AR: variants seen among roughly 807,000 people sequenced by gnomAD.
The protein encoded by AR is dihydrotestosterone receptor.
Under a neutral mutation model 53.9 loss-of-function variants are expected in AR, and 8 were observed. The observed-to-expected ratio is 0.15, with a 90% confidence interval of 0.09 to 0.27. The LOEUF is 0.27. Among genes scored for constraint, AR ranks in the 10% least tolerant of loss-of-function variants. AR has a pLI of 1.00. For missense variants in AR, 639 were observed against 742.5 expected (o/e 0.86, Z 1.62); for synonymous variants, 359 against 316.4 (o/e 1.13, Z -1.43).
intron 2 of AR, among the ~76,000 whole-genome samples, chrX:67,678,878 C>A (rs914717117): frequency 1.8e-5 from 2 of 111,455 alleles, no homozygotes; most frequent in African/African-American, 6.5e-5. Context: ...GACTGGGAGG[C>A]AGTTGACTGA....
At chrX:67,569,858 T>C (rs1359337399) in intron 1 of AR, among the ~76,000 whole-genome samples, 1 of 111,582 alleles carries the variant, frequency 9.0e-6, no homozygotes, top group Non-Finnish European at 1.9e-5. Flanking sequence ...TGCTTCTAGG[T>C]ATGTCTTTTT....
intron 2 of AR, among the ~76,000 whole-genome samples, chrX:67,644,711 C>T (rs1031208077): frequency 4.5e-5 from 5 of 111,550 alleles, no homozygotes; most frequent in African/African-American, 1.6e-4. Context: ...ACAGAAGCTG[C>T]CATGTTGTTT....
At chrX:67,719,739 T>C (rs2076128000) in intron 5 of AR, among the ~76,000 whole-genome samples, 1 of 112,239 alleles carries the variant, frequency 8.9e-6, no homozygotes, top group Non-Finnish European at 1.9e-5. Context: ...ATTCCAGTCA[T>C]TCTGACAGCC....
intron 1 of AR, among the ~76,000 whole-genome samples, chrX:67,619,271 G>C (rs1924258700): frequency 9.0e-6 from 1 of 111,294 alleles, no homozygotes; most frequent in Admixed American, 9.6e-5. Context: ...ACAGGAAGCA[G>C]AAAGACTTGA....
chrX:67,708,535 G>C (rs1313001126), intron 3 of AR, among the ~76,000 whole-genome samples: 2 of 111,325 alleles, frequency 1.8e-5, no homozygotes, highest in Non-Finnish European at 3.8e-5. Flanking sequence ...ATTCTAGTTA[G>C]CCATTCGTCT....
In AR at chrX:67,723,880, C is replaced by A. The variant is rs756799758; in HGVS notation, c.*39C>A. 23 of 1,200,583 alleles carry A rather than the reference C, an allele frequency of 1.9e-5. No homozygotes were observed. The East Asian group carries it at 6.8e-4, about 36-fold the overall frequency. On this transcript the variant is annotated 3_prime_UTR_variant, in exon 8 of 8. Coordinates refer to ENST00000374690, the MANE Select transcript of AR (RefSeq NM_000044.6). The stretch of plus-strand genomic sequence containing the variant: ...CTATTTCCCCACCCCAGCTCATGCC[C>A]CCTTTCAGATGTCTTCTGCCTGTTA...
At chrX:67,610,967 G>A (rs1278237505) in intron 1 of AR, among the ~76,000 whole-genome samples, 2 of 111,684 alleles carry the variant, frequency 1.8e-5, no homozygotes, top group South Asian at 7.5e-4. Context: ...TGAAAAAATG[G>A]AGGCAATAAT....
At chrX:67,630,343 T>G (rs1602207208) in intron 1 of AR, among the ~76,000 whole-genome samples, 1 of 111,706 alleles carries the variant, frequency 9.0e-6, no homozygotes, top group East Asian at 2.8e-4. Flanking sequence ...GCATATATAT[T>G]TAGGATACTT....
chrX:67,658,853 C>G, intron 2 of AR, among the ~76,000 whole-genome samples: 1 of 111,965 alleles, frequency 8.9e-6, no homozygotes, highest in East Asian at 2.8e-4. Flanking sequence ...AGTAATCAAA[C>G]AGAATTTTAA....
At chrX:67,623,820 T>TA (rs995964793) in intron 1 of AR, among the ~76,000 whole-genome samples, 8 of 111,464 alleles carry the variant, frequency 7.2e-5, no homozygotes, top group Non-Finnish European at 1.3e-4. Context: ...CTACCTACCT[T>TA]AAAAAGAATT....
At chrX:67,627,825 G>T (rs1924778652) in intron 1 of AR, among the ~76,000 whole-genome samples, 1 of 111,712 alleles carries the variant, frequency 9.0e-6, no homozygotes, top group African/African-American at 3.3e-5. Context: ...AAGGTGTAAG[G>T]AAGGGATCCA....
At chrX:67,718,887 C>T (rs1392313905) in intron 5 of AR, among the ~76,000 whole-genome samples, 9 of 111,717 alleles carry the variant, frequency 8.1e-5, no homozygotes, top group Non-Finnish European at 1.5e-4. Context: ...CCGCCTCAGC[C>T]GGGCATGATA....
chrX:67,650,672 C>T (rs1462150256), intron 2 of AR, among the ~76,000 whole-genome samples: 1 of 112,456 alleles, frequency 8.9e-6, no homozygotes, highest in African/African-American at 3.2e-5. Flanking sequence ...CTCTTCATAG[C>T]TAGGCAGCTG....
intron 2 of AR, among the ~76,000 whole-genome samples, chrX:67,660,404 A>G (rs1926830811): frequency 8.9e-6 from 1 of 111,881 alleles, no homozygotes; most frequent in African/African-American, 3.3e-5. Context: ...GGTGTAAGGA[A>G]GGGATCCAGT....
chrX:67,680,109 T>A (rs1276917740), intron 2 of AR, among the ~76,000 whole-genome samples: 1 of 112,156 alleles, frequency 8.9e-6, no homozygotes, highest in Non-Finnish European at 1.9e-5. Context: ...CTTTATTTTC[T>A]TCTCCAAATG....
chrX:67,722,062 T>A (rs2147536526), intron 6 of AR, 99 bp downstream of exon 6: 1 of 1,009,078 alleles, frequency 9.9e-7, no homozygotes, highest in African/African-American at 1.9e-5. Flanking sequence ...AGCCAGCTCC[T>A]GGACATTTCC....
At chrX:67,722,289 GGGCCA>G in intron 6 of AR, 1 of 267,480 alleles carries the variant, frequency 3.7e-6, no homozygotes, top group South Asian at 5.2e-5. Context: ...AAACAGACAT[GGGCCA>G]CCTTGTATTC....
intron 2 of AR, among the ~76,000 whole-genome samples, chrX:67,660,216 A>C (rs1222169181): frequency 4.5e-4 from 50 of 111,843 alleles, no homozygotes; most frequent in African/African-American, 1.6e-3. Flanking sequence ...TCTTTAGTTG[A>C]ATTAGATCCC....
intron 1 of AR, among the ~76,000 whole-genome samples, chrX:67,599,608 A>T (rs1161549346): frequency 8.9e-6 from 1 of 111,897 alleles, no homozygotes; most frequent in African/African-American, 3.3e-5. Context: ...CAGGTGCTCA[A>T]TCAATGTTGA....
Sources: allele counts gnomAD v4.1 joint callset (sites outside exome capture counted in the v4.1 genomes callset), GRCh38; gene constraint gnomAD v4.1.1; transcripts MANE v1.5; gene names NCBI Gene and HGNC (gene_info 2026-07-23, HGNC 2026-07-21).